Variants in KIRREL1 observed in about 807,000 individuals in gnomAD.
KIRREL1 encodes kirre like nephrin family adhesion molecule 1, also known as kin of IRRE-like protein 1.
A neutral mutation model predicts 83.3 loss-of-function variants in KIRREL1; 25 were observed. The observed-to-expected ratio is 0.30, with a 90% CI of 0.22 to 0.42. The LOEUF is 0.42. Among genes scored for constraint, KIRREL1 ranks in the 10% least tolerant of loss-of-function variants. The pLI is 1.00. For missense variants in KIRREL1, 812 were observed against 1,032.3 expected (o/e 0.79, Z 2.92); for synonymous variants, 388 against 410.4 (o/e 0.95, Z 0.66).
At chr1:158,037,546 C>G (rs909020307) in intron 1 of KIRREL1, among the ~76,000 whole-genome samples, 1 of 150,220 alleles carries the variant, frequency 6.7e-6, no homozygotes, top group African/African-American at 2.5e-5. Context: ...TCTCAGGGGT[C>G]GTGAGCATTA....
chr1:158,089,840 G>A (rs780358653), intron 10 of KIRREL1, 22 bp downstream of exon 10: 10 of 1,604,466 alleles, frequency 6.2e-6, no homozygotes, highest in Admixed American at 1.7e-5. Context: ...ACCTGCCTGC[G>A]GACAGCCAGC....
At chr1:158,058,598 C>T (rs772687506) in intron 1 of KIRREL1, among the ~76,000 whole-genome samples, 14 of 152,140 alleles carry the variant, frequency 9.2e-5, no homozygotes, top group Non-Finnish European at 1.8e-4. Flanking sequence ...GGTTTCTGAT[C>T]CTGCTTTCTG....
intron 1 of KIRREL1, among the ~76,000 whole-genome samples, chr1:158,056,780 TG>T (rs1373053573): frequency 4.6e-5 from 7 of 152,218 alleles, no homozygotes; most frequent in African/African-American, 1.7e-4. Context: ...AGCAGCTGGC[TG>T]GGCGGGGGTG....
chr1:158,081,541 C>T (rs968802276), intron 3 of KIRREL1, among the ~76,000 whole-genome samples: 1 of 152,052 alleles, frequency 6.6e-6, no homozygotes, highest in Non-Finnish European at 1.5e-5. Context: ...GCTTTTTTGA[C>T]CACAGACTCA....
intron 1 of KIRREL1, among the ~76,000 whole-genome samples, chr1:158,037,508 A>T (rs1038769127): frequency 6.6e-6 from 1 of 151,876 alleles, no homozygotes; most frequent in African/African-American, 2.4e-5. Context: ...AAAAAAAAAA[A>T]AAAAGGAAGG....
At chr1:158,019,239 G>A (rs1439625672) in intron 1 of KIRREL1, among the ~76,000 whole-genome samples, 1 of 152,190 alleles carries the variant, frequency 6.6e-6, no homozygotes, top group Non-Finnish European at 1.5e-5. Context: ...CAGACTGGAG[G>A]AGAAGGAATA....
chr1:158,047,150 A>G (rs1405757838), intron 1 of KIRREL1, among the ~76,000 whole-genome samples: 1 of 152,214 alleles, frequency 6.6e-6, no homozygotes, highest in Non-Finnish European at 1.5e-5. Flanking sequence ...ACAAGCTACA[A>G]AGAGGAGGAT....
At chr1:158,092,597 T>C (rs1012433164) in intron 11 of KIRREL1, among the ~76,000 whole-genome samples, 1 of 152,106 alleles carries the variant, frequency 6.6e-6, no homozygotes, top group Non-Finnish European at 1.5e-5. Flanking sequence ...TTCACCCACC[T>C]CGGCCTCCCA....
chr1:158,010,811 T>C (rs902907518), intron 1 of KIRREL1, among the ~76,000 whole-genome samples: 14 of 152,028 alleles, frequency 9.2e-5, no homozygotes, highest in African/African-American at 2.9e-4. Context: ...CTGGGAATCA[T>C]TTCAGAGCAA....
rs1439314702 is a variant in KIRREL1, at chr1:158,098,524, G to GGTGGA, written c.*3406_*3410dup. 6.6e-6 allele frequency: 1 copy of GGTGGA among 152,246 alleles called. No individual in the cohort carries two copies. Among genetic ancestry groups the GGTGGA allele is most frequent in the African/African-American group, 2.4e-5 (1 of 41,458 alleles). The allele number at this position is 152,246 out of a possible 1,614,324, so 9.4% of individuals were successfully genotyped here. Reference sequence around the variant, plus strand: ...GAAGGAGCAGCTTGCAAGGGGAGCCGGTGGAGGGAAAGGGGTACAACAGCT... The same window carrying GGTGGA: ...GAAGGAGCAGCTTGCAAGGGGAGCCGGTGGAGTGGAGGGAAAGGGGTACAACAGCT... On this transcript the variant is annotated 3_prime_UTR_variant, in exon 15 of 15. Coordinates refer to ENST00000359209, the MANE Select transcript of KIRREL1 (RefSeq NM_018240.7).
At chr1:158,073,953 C>T (rs1351183337) in intron 1 of KIRREL1, among the ~76,000 whole-genome samples, 1 of 152,206 alleles carries the variant, frequency 6.6e-6, no homozygotes, top group Non-Finnish European at 1.5e-5. Context: ...CACCAGCAAG[C>T]CCACTCTTAA....
chr1:158,084,686 G>C, intron 4 of KIRREL1, 107 bp downstream of exon 4: 2 of 1,145,356 alleles, frequency 1.7e-6, no homozygotes, highest in Non-Finnish European at 2.4e-6. Flanking sequence ...ACATGAGAGG[G>C]GTCTTAGAGG....
intron 1 of KIRREL1, among the ~76,000 whole-genome samples, chr1:158,029,582 CG>C (rs940384883): frequency 2.0e-5 from 3 of 152,042 alleles, no homozygotes; most frequent in Non-Finnish European, 2.9e-5. Context: ...TATTCTCCTC[CG>C]ATGTACATCT....
chr1:158,013,638 G>A (rs1659747604), intron 1 of KIRREL1, among the ~76,000 whole-genome samples: 1 of 152,232 alleles, frequency 6.6e-6, no homozygotes, highest in Non-Finnish European at 1.5e-5. Context: ...CAGAGGGTAA[G>A]TGACTCGCTG....
intron 1 of KIRREL1, among the ~76,000 whole-genome samples, chr1:158,010,255 G>C (rs1257804283): frequency 6.6e-6 from 1 of 151,660 alleles, no homozygotes; most frequent in Non-Finnish European, 1.5e-5. Flanking sequence ...AACCAGGGTG[G>C]AAGCAAACAT....
intron 1 of KIRREL1, among the ~76,000 whole-genome samples, chr1:158,010,396 TACACACACACACACACACACACACAC>T (rs56077512): frequency 1.5e-3 from 68 of 44,586 alleles, no homozygotes; most frequent in South Asian, 3.8e-3. Context: ...CACACATGCA[TACACACACACACACACACACACACAC>T]ACACACACAC....
chr1:158,074,124 C>G (rs187005881), intron 1 of KIRREL1, among the ~76,000 whole-genome samples: 1 of 152,272 alleles, frequency 6.6e-6, no homozygotes, highest in East Asian at 1.9e-4. Flanking sequence ...ACCTGACCCA[C>G]CCCTCCCCCA....
rs893532370 is a variant in KIRREL1 at position 158,071,639 on chromosome 1, C to T, written c.53-4474C>T. On this transcript the variant is annotated intron_variant, in intron 1 of 14. Coordinates refer to ENST00000359209, the MANE Select transcript of KIRREL1 (RefSeq NM_018240.7). ...CCTGGTTCCCCTCCCACCTGGCCCCCGGGAGGCCACCTTCCCACCCCACAT... is the reference window on the plus strand; with the variant it reads ...CCTGGTTCCCCTCCCACCTGGCCCCTGGGAGGCCACCTTCCCACCCCACAT... Among the ~76,000 whole-genome samples, 7 of 152,300 alleles carry T rather than the reference C, an allele frequency of 4.6e-5. No homozygotes were observed. The East Asian group carries it at 9.7e-4, about 21-fold the overall frequency.
chr1:158,038,503 T>G (rs968726077), intron 1 of KIRREL1, among the ~76,000 whole-genome samples: 13 of 145,260 alleles, frequency 8.9e-5, no homozygotes, highest in South Asian at 4.4e-4. Context: ...TTTTTTTTTT[T>G]TTTTTTGGAG....
Sources: gnomAD v4.1 joint callset for allele counts (sites outside exome capture counted in the v4.1 genomes callset) on GRCh38, gnomAD v4.1.1 for gene constraint, MANE v1.5 for transcripts, NCBI Gene and HGNC (gene_info 2026-07-23, HGNC 2026-07-21) for gene names.